Variants in SMAD7 observed in about 807,000 individuals in gnomAD.
SMAD7 encodes the protein SMAD family member 7.
SMAD7 carries 8 observed loss-of-function variants against 38.7 expected under a neutral mutation model. That is an observed-to-expected ratio of 0.21 (90% CI 0.12 to 0.37). The LOEUF (loss-of-function observed/expected upper bound fraction) is 0.37, where lower values mean the gene tolerates loss of function less well. Ranked by LOEUF, SMAD7 falls within the 10% of genes least tolerant of loss-of-function variation. SMAD7 has a pLI of 1.00. For missense variants in SMAD7, 477 were observed against 577.9 expected (o/e 0.83, Z 1.79); for synonymous variants, 327 against 265.1 (o/e 1.23, Z -2.27).
chr18:48,947,178 C>A (rs1420996834), intron 2 of SMAD7, among the ~76,000 whole-genome samples: 1 of 152,138 alleles, frequency 6.6e-6, no homozygotes, highest in Non-Finnish European at 1.5e-5. Context: ...TTTTGTAAAT[C>A]GAAAGCAAAA....
chr18:48,929,569 T>TCTCTCTCTCACACACACACACA (rs3082710), intron 3 of SMAD7, among the ~76,000 whole-genome samples: 3 of 114,624 alleles, frequency 2.6e-5, no homozygotes, highest in East Asian at 5.4e-4. Context: ...TCTCTCTCTC[T>TCTCTCTCTCACACACACACACA]CACTCACACA....
chr18:48,948,176 G>T (rs950561045), intron 2 of SMAD7, among the ~76,000 whole-genome samples: 4 of 152,170 alleles, frequency 2.6e-5, no homozygotes, highest in Admixed American at 1.3e-4. Context: ...GGAACAAAAT[G>T]TAAAGCATAT....
At chr18:48,929,150 G>A (rs938644068) in intron 3 of SMAD7, among the ~76,000 whole-genome samples, 2 of 152,046 alleles carry the variant, frequency 1.3e-5, no homozygotes, top group Non-Finnish European at 2.9e-5. Flanking sequence ...ATCATTTCTC[G>A]AGTTCAAATT....
intron 1 of SMAD7, among the ~76,000 whole-genome samples, chr18:48,948,765 G>A (rs2070226526): frequency 6.6e-6 from 1 of 152,204 alleles, no homozygotes; most frequent in Non-Finnish European, 1.5e-5. Context: ...CCCGTCCTCG[G>A]ACTCCAGACC....
chr18:48,928,748 A>G (rs1016955690), intron 3 of SMAD7, among the ~76,000 whole-genome samples: 3 of 152,118 alleles, frequency 2.0e-5, no homozygotes, highest in Admixed American at 6.5e-5. Context: ...TGGCTCCCCA[A>G]ACTGGTCCCA....
Position 48,921,340 on chromosome 18 carries a change from C to T in SMAD7, c.*32G>A, listed in dbSNP as rs765304819. On this transcript the variant is annotated 3_prime_UTR_variant, in exon 4 of 4. Transcript: ENST00000262158. The surrounding 1 kb of genome is among the most constrained non-coding windows in gnomAD (Gnocchi z 6.4). ...GCAAAGTAGTTTGAAGTGTGGCCTG[C>T]TCAGCTCACGCTCTGTCCCCTCCGC... 8 of 1,574,616 alleles carry T rather than the reference C, an allele frequency of 5.1e-6. No homozygotes were observed. Among genetic ancestry groups the T allele is most frequent in the Admixed American group, 1.7e-5 (1 of 57,174 alleles).
intron 3 of SMAD7, among the ~76,000 whole-genome samples, chr18:48,922,839 C>G (rs1208569550): frequency 6.6e-6 from 1 of 152,082 alleles, no homozygotes; most frequent in African/African-American, 2.4e-5. Flanking sequence ...CTCATCCCTC[C>G]CCTGCAGGCC....
rs2069989655 is a variant in SMAD7 at position 48,930,717 on chromosome 18, GCCGACACAT to G, written c.743-8816_743-8808del. Among the ~76,000 whole-genome samples the G allele has an allele frequency of 2.6e-5, 4 of 151,940 alleles. No homozygotes were observed. In the South Asian group the frequency reaches 8.3e-4, roughly 32 times the overall value. ...CCCCCACCGCATGCGATCGGTGTGTGCCGACACATGAGGCACAAGTCAAGGAGGCCCTAC... is the reference window on the plus strand; with the variant it reads ...CCCCCACCGCATGCGATCGGTGTGTGGAGGCACAAGTCAAGGAGGCCCTAC... On this transcript the variant is annotated intron_variant, in intron 3 of 3. Coordinates refer to ENST00000262158, the MANE Select transcript of SMAD7 (RefSeq NM_005904.4).
intron 3 of SMAD7, among the ~76,000 whole-genome samples, chr18:48,937,430 C>CGGCAGCAGACCATCTTGTCT (rs1361755428): frequency 1.3e-5 from 2 of 152,110 alleles, no homozygotes; most frequent in Non-Finnish European, 2.9e-5. Context: ...ATGCGTGAGG[C>CGGCAGCAGACCATCTTGTCT]GGCAGCAGAC....
chr18:48,923,171 C>T (rs1055760151), intron 3 of SMAD7, among the ~76,000 whole-genome samples: 21 of 152,192 alleles, frequency 1.4e-4, no homozygotes, highest in Non-Finnish European at 2.9e-4. Context: ...GGGAAGGGCC[C>T]CACGTCGGTC....
At chr18:48,949,726 TG>T in intron 1 of SMAD7, 85 bp downstream of exon 1, 2 of 1,415,988 alleles carry the variant, frequency 1.4e-6, no homozygotes, top group Non-Finnish European at 1.9e-6. Context: ...CCTGGAGGGA[TG>T]GCTGCACAAA....
Position 48,921,882 on chromosome 18 carries a change from A to G in SMAD7, c.771T>C (p.Asp257=). 5 of 1,609,108 alleles carry G rather than the reference A, an allele frequency of 3.1e-6. No individual in the cohort carries two copies. The South Asian group carries it at 5.5e-5, about 18-fold the overall frequency. The part of the protein sequence containing the change: ...SDSQLLLEPG[D]RSHWCVVAYW... ...ATGCCACCACGCACCAGTGTGACCG[A>G]TCCCCAGGCTCCAGAAGAAGTTGGG... The change falls in exon 4 of 4, where the codon GAT becomes GAC. Residue 257 remains aspartate, a synonymous_variant. Transcript: ENST00000262158. The surrounding 1 kb of genome is among the most constrained non-coding windows in gnomAD (Gnocchi z 6.4).
chr18:48,946,516 T>A (rs2070197616), intron 2 of SMAD7, among the ~76,000 whole-genome samples: 1 of 152,218 alleles, frequency 6.6e-6, no homozygotes, highest in Non-Finnish European at 1.5e-5. Context: ...CTATTACTGA[T>A]GCTAAATTCT....
rs902820706 is a variant in SMAD7, at chr18:48,949,754, C to T, written c.613+58G>A. 3.4e-5 allele frequency: 51 copies of T among 1,507,538 alleles called. No individual in the cohort carries two copies. The East Asian group carries it at 1.1e-3, about 33-fold the overall frequency. 93.4% of individuals were successfully genotyped at this position (1,507,538 alleles called of 1,614,324 possible). ...CTGCACAAACGCACTGCCCTAGGGG[C>T]TTTTCTTCCAGCACTGGCGCTCCGG... On this transcript the variant is annotated intron_variant, in intron 1 of 3. Transcript: ENST00000262158.
At chr18:48,929,741 C>G (rs893454481) in intron 3 of SMAD7, among the ~76,000 whole-genome samples, 2 of 152,026 alleles carry the variant, frequency 1.3e-5, no homozygotes, top group African/African-American at 4.8e-5. Flanking sequence ...AGAAACCAAG[C>G]TACTTTTGCT....
intron 1 of SMAD7, among the ~76,000 whole-genome samples, chr18:48,949,500 G>C (rs1437727746): frequency 6.6e-6 from 1 of 151,988 alleles, no homozygotes; most frequent in Non-Finnish European, 1.5e-5. Context: ...ATCCGGAAAT[G>C]AAGGCGTCTA....
At chr18:48,925,440 C>CA (rs924088366) in intron 3 of SMAD7, among the ~76,000 whole-genome samples, 2 of 150,460 alleles carry the variant, frequency 1.3e-5, no homozygotes, top group African/African-American at 2.4e-5. Context: ...TTGCCCCCCC[C>CA]CAACCTTCCC....
intron 3 of SMAD7, among the ~76,000 whole-genome samples, chr18:48,930,412 AAAG>A (rs1289880316): frequency 6.6e-6 from 1 of 152,052 alleles, no homozygotes; most frequent in African/African-American, 2.4e-5. Flanking sequence ...CAAGGGAATA[AAAG>A]AAGAATGAAA....
rs1019291900 is a variant in SMAD7, at chr18:48,950,345, CCCT to C, written c.77_79del (p.Glu26del). 8.4e-6 allele frequency: 13 copies of C among 1,542,184 alleles called. 1 individual carries two copies. In the African/African-American group the frequency reaches 1.7e-4, roughly 20 times the overall value. ...GCCTCCTCCTCCACCTCCCCCTGCG[CCCT>C]CCTCCTCGTCCTCGCCGCCGGGCGC... On this transcript the variant is annotated inframe_deletion, in exon 1 of 4. Transcript: ENST00000262158.
Sources: gnomAD v4.1 joint callset for allele counts (sites outside exome capture counted in the v4.1 genomes callset) on GRCh38, gnomAD v4.1.1 for gene constraint, Gnocchi (gnomAD v3.1) non-coding constraint, MANE v1.5 for transcripts, NCBI Gene and HGNC (gene_info 2026-07-23, HGNC 2026-07-21) for gene names.